DIP2B: variants seen among roughly 807,000 people sequenced by gnomAD.
DIP2B encodes DIP2 acetate--CoA ligase B (putative), also known as disco-interacting protein 2 homolog B.
A neutral mutation model predicts 198.0 loss-of-function variants in DIP2B; 76 were observed. The ratio of observed to expected loss-of-function variants is 0.38; its 90% confidence interval spans 0.32 to 0.46. The LOEUF is 0.46. DIP2B is among the 20% of genes least tolerant of loss of function. The pLI, the probability that DIP2B is intolerant of heterozygous loss-of-function variation, is 0.99. For synonymous variants in DIP2B, 701 were observed against 739.1 expected, an observed-to-expected ratio of 0.95 and a Z score of 0.84; for missense variants, 1,559 against 1,978.4, an observed-to-expected ratio of 0.79 and a Z score of 4.02.
intron 29 of DIP2B, 101 bp downstream of exon 29, chr12:50,727,913 C>A: frequency 1.1e-6 from 1 of 942,924 alleles, no homozygotes; most frequent in Non-Finnish European, 1.7e-6. Flanking sequence ...TACCAGAGAC[C>A]GGTAGGCAGA....
intron 1 of DIP2B, among the ~76,000 whole-genome samples, chr12:50,518,007 C>T (rs1160504414): frequency 6.6e-6 from 1 of 152,168 alleles, no homozygotes; most frequent in African/African-American, 2.4e-5. Context: ...TATACCTTGC[C>T]TGGCTAGTAA....
chr12:50,610,370 C>G (rs1317694326), intron 1 of DIP2B, among the ~76,000 whole-genome samples: 1 of 152,068 alleles, frequency 6.6e-6, no homozygotes, highest in African/African-American at 2.4e-5. Flanking sequence ...CAGGAAATAT[C>G]TGCTGGAACT....
At chr12:50,535,239 A>C (rs1233280625) in intron 1 of DIP2B, among the ~76,000 whole-genome samples, 7 of 152,176 alleles carry the variant, frequency 4.6e-5, no homozygotes, top group African/African-American at 1.7e-4. Context: ...CTCAAAAAGA[A>C]GAAAAAATAA....
intron 19 of DIP2B, among the ~76,000 whole-genome samples, chr12:50,699,699 A>G (rs1356339216): frequency 1.3e-5 from 2 of 152,062 alleles, no homozygotes; most frequent in Non-Finnish European, 2.9e-5. Flanking sequence ...CATCTCTACC[A>G]AAAAATTGAA....
intron 1 of DIP2B, among the ~76,000 whole-genome samples, chr12:50,558,481 T>C (rs1958490065): frequency 1.3e-5 from 2 of 152,220 alleles, no homozygotes; most frequent in South Asian, 4.1e-4. Context: ...ATGGAGGTAC[T>C]GAGAGGTGAC....
chr12:50,505,173 C>G lies in DIP2B; in HGVS notation c.33C>G (p.Ala11=), dbSNP rs1012751932. 1.3e-6 allele frequency: 2 copies of G among 1,526,234 alleles called. No individual in the cohort carries two copies. The highest frequency in any genetic ancestry group is 5.1e-5 in the East Asian group (2 of 39,556). The allele number at this position is 1,526,234 out of a possible 1,614,324, so 94.5% of individuals were successfully genotyped here. A position where few individuals can be genotyped will look rare whatever the true frequency, so the allele number is the denominator to read the frequency against. The change falls in exon 1 of 38, where the codon GCC becomes GCG. Residue 11 remains alanine (A), a synonymous_variant. Transcript: ENST00000301180. ...AACGAGGCCTGGAGCCGTCGCCGGC[C>G]GCGGTGGCGGCGCTGCCGCCTGAAG... is the stretch of plus-strand genomic sequence containing the variant. MAERGLEPSP[A]AVAALPPEVR... is the part of the protein sequence containing the mutation.
chr12:50,667,075 C>T (rs1438710590), intron 4 of DIP2B, among the ~76,000 whole-genome samples: 2 of 152,120 alleles, frequency 1.3e-5, no homozygotes, highest in Non-Finnish European at 2.9e-5. Context: ...TGTCATGTTG[C>T]CCAGGCTGGT....
intron 6 of DIP2B, 31 bp from the exon 7 acceptor site, chr12:50,675,298 A>C (rs1429479971): frequency 3.5e-5 from 56 of 1,604,274 alleles, no homozygotes; most frequent in Non-Finnish European, 4.7e-5. Context: ...ACAGTCAATG[A>C]ATTTTAACTT....
At chr12:50,648,853 T>A (rs1938400574) in intron 3 of DIP2B, among the ~76,000 whole-genome samples, 1 of 152,194 alleles carries the variant, frequency 6.6e-6, no homozygotes, top group South Asian at 2.1e-4. Flanking sequence ...ACAGTTTATG[T>A]GATAATTTAT....
intron 2 of DIP2B, among the ~76,000 whole-genome samples, chr12:50,636,286 T>C (rs1280283523): frequency 6.6e-6 from 1 of 152,238 alleles, no homozygotes; most frequent in Non-Finnish European, 1.5e-5. Flanking sequence ...TATTTTGTTT[T>C]ATGTGTCTCA....
In DIP2B at chr12:50,597,016, T is replaced by C. The variant is rs1035378586; in HGVS notation, c.101-28960T>C. Among the ~76,000 whole-genome samples, 19 of 152,192 alleles carry C rather than the reference T, an allele frequency of 1.2e-4. 1 individual carries two copies. Among genetic ancestry groups the C allele is most frequent in the Non-Finnish European group, 2.6e-4 (18 of 68,030 alleles). ...ATTTTAAAAGAAATAATTTAGTTTT[T>C]TTGTTATGTAGGTAGGGAAACTTAC... is the stretch of plus-strand genomic sequence containing the variant. On this transcript the variant is annotated intron_variant, in intron 1 of 37. Coordinates refer to ENST00000301180, the MANE Select transcript of DIP2B (RefSeq NM_173602.3).
At chr12:50,578,222 T>G (rs1958680747) in intron 1 of DIP2B, among the ~76,000 whole-genome samples, 1 of 152,070 alleles carries the variant, frequency 6.6e-6, no homozygotes, top group Non-Finnish European at 1.5e-5. Context: ...TGGTCAGGCT[T>G]GTCTCAAACT....
At chr12:50,527,541 C>T (rs1310402364) in intron 1 of DIP2B, among the ~76,000 whole-genome samples, 3 of 152,026 alleles carry the variant, frequency 2.0e-5, no homozygotes, top group Non-Finnish European at 4.4e-5. Context: ...TTTGGGAGGC[C>T]GAGGCGGGAG....
At chr12:50,695,751 A>G (rs990303572) in intron 15 of DIP2B, 97 bp from the exon 16 acceptor site, 1 of 1,514,332 alleles carries the variant, frequency 6.6e-7, no homozygotes, top group Non-Finnish European at 9.0e-7. Flanking sequence ...AGCAAATATC[A>G]TGATTCCCCA....
chr12:50,702,228 C>A (rs908093638), intron 19 of DIP2B, among the ~76,000 whole-genome samples: 2 of 152,136 alleles, frequency 1.3e-5, no homozygotes, highest in African/African-American at 4.8e-5. Flanking sequence ...CGCCTGTAGT[C>A]CCAGCTACTC....
intron 1 of DIP2B, among the ~76,000 whole-genome samples, chr12:50,557,822 G>A (rs1267894965): frequency 1.3e-5 from 2 of 152,108 alleles, no homozygotes; most frequent in African/African-American, 2.4e-5. Flanking sequence ...CATATGATTG[G>A]CACTACTGAT....
At chr12:50,704,277 A>G in intron 20 of DIP2B, 57 bp downstream of exon 20, 1 of 1,559,144 alleles carries the variant, frequency 6.4e-7, no homozygotes, top group Non-Finnish European at 8.8e-7. Context: ...TTGGACTTTA[A>G]TTCACAGAAC....
chr12:50,610,267 A>C (rs545596432), intron 1 of DIP2B, among the ~76,000 whole-genome samples: 1 of 152,264 alleles, frequency 6.6e-6, no homozygotes, highest in South Asian at 2.1e-4. Context: ...TGGCAGGCAA[A>C]GAATGGTGGG....
chr12:50,665,863 A>AGG (rs1319305143), intron 4 of DIP2B, among the ~76,000 whole-genome samples: 1 of 152,178 alleles, frequency 6.6e-6, no homozygotes, highest in Non-Finnish European at 1.5e-5. Context: ...ACCAAATTAA[A>AGG]TAACTGTTGT....
Sources: gnomAD v4.1 joint callset for allele counts (sites outside exome capture counted in the v4.1 genomes callset) on GRCh38, gnomAD v4.1.1 for gene constraint, MANE v1.5 for transcripts, NCBI Gene and HGNC (gene_info 2026-07-23, HGNC 2026-07-21) for gene names.